ATXN10: variants seen among roughly 807,000 people sequenced by gnomAD.
ATXN10 encodes the protein ataxin-10.
Under a neutral mutation model 52.9 loss-of-function variants are expected in ATXN10, and 28 were observed. That is an observed-to-expected ratio of 0.53 (90% CI 0.39 to 0.73). The LOEUF is 0.73. Among genes scored for constraint, ATXN10 ranks in the 30% least tolerant of loss-of-function variants. ATXN10 has a pLI of 0.00. For synonymous variants in ATXN10, 226 were observed against 221.5 expected (o/e 1.02, Z -0.18); for missense variants, 565 against 577.0 (o/e 0.98, Z 0.21).
chr22:45,697,093 A>G (rs1923637743), intron 3 of ATXN10, among the ~76,000 whole-genome samples: 2 of 152,194 alleles, frequency 1.3e-5, no homozygotes, highest in South Asian at 2.1e-4. Context: ...GGCATTTAGT[A>G]CATCCACAGT....
intron 1 of ATXN10, 136 bp from the exon 2 acceptor site, chr22:45,689,576 G>GCC: frequency 1.5e-6 from 1 of 669,840 alleles, no homozygotes; most frequent in African/African-American, 1.9e-5. Context: ...TTTATTTGGT[G>GCC]TTGTAAATTA....
chr22:45,836,082 G>A (rs2146914957), intron 10 of ATXN10, among the ~76,000 whole-genome samples: 1 of 152,336 alleles, frequency 6.6e-6, no homozygotes, highest in East Asian at 1.9e-4. Flanking sequence ...AGGGAAGGAA[G>A]AGGGAGCCAA....
chr22:45,729,811 T>C (rs1259968000), intron 7 of ATXN10: 13 of 593,800 alleles, frequency 2.2e-5, no homozygotes, highest in Non-Finnish European at 4.0e-5. Flanking sequence ...GTTAATTTTC[T>C]AGACAGATGA....
intron 4 of ATXN10, 67 bp from the exon 5 acceptor site, chr22:45,702,622 T>C: frequency 6.8e-7 from 1 of 1,463,616 alleles, no homozygotes; most frequent in Non-Finnish European, 9.6e-7. Flanking sequence ...ACAATGGTAT[T>C]ACTGTTATTT....
intron 9 of ATXN10, among the ~76,000 whole-genome samples, chr22:45,751,647 A>G (rs986199977): frequency 1.3e-5 from 2 of 151,530 alleles, no homozygotes; most frequent in Admixed American, 1.3e-4. Context: ...CTGACTGTGA[A>G]ATGTCTATAT....
intron 1 of ATXN10, among the ~76,000 whole-genome samples, chr22:45,686,096 G>A (rs16994431): frequency 0.084 from 12,778 of 152,236 alleles, 671 homozygotes; most frequent in Middle Eastern, 0.15. Context: ...TAATGGGAAA[G>A]GGAGGGTTGA....
At chr22:45,729,657 C>A (rs751303669) in intron 7 of ATXN10, 67 bp downstream of exon 7, 7 of 1,527,094 alleles carry the variant, frequency 4.6e-6, no homozygotes, top group Non-Finnish European at 6.3e-6. Flanking sequence ...TCAGCCAAGT[C>A]CTGTATGAGA....
intron 9 of ATXN10, among the ~76,000 whole-genome samples, chr22:45,743,719 G>A (rs1448997194): frequency 6.6e-6 from 1 of 152,176 alleles, no homozygotes; most frequent in Non-Finnish European, 1.5e-5. Context: ...TTATTGTTTA[G>A]TGTTTACTAT....
At chr22:45,711,588 A>G (rs897692416) in intron 5 of ATXN10, among the ~76,000 whole-genome samples, 6 of 152,222 alleles carry the variant, frequency 3.9e-5, no homozygotes, top group Non-Finnish European at 5.9e-5. Context: ...GTCACATACT[A>G]TAGTTTTACA....
chr22:45,788,583 T>C (rs937097259), intron 9 of ATXN10, among the ~76,000 whole-genome samples: 1 of 151,812 alleles, frequency 6.6e-6, no homozygotes, highest in Non-Finnish European at 1.5e-5. Flanking sequence ...CTCACACAAA[T>C]CTAAAATTTT....
intron 5 of ATXN10, among the ~76,000 whole-genome samples, chr22:45,714,225 T>A (rs1413741722): frequency 6.6e-6 from 1 of 152,132 alleles, no homozygotes; most frequent in Non-Finnish European, 1.5e-5. Flanking sequence ...AACCTTTTTT[T>A]TCTTTTATGT....
Position 45,823,047 on chromosome 22 carries a change from A to G in ATXN10, c.1237+16025A>G, listed in dbSNP as rs1467275968. On this transcript the variant is annotated intron_variant, in intron 10 of 11. Coordinates refer to ENST00000252934, the MANE Select transcript of ATXN10 (RefSeq NM_013236.4). This position sits in a 1 kb window ranked among gnomAD's most constrained non-coding sequence, Gnocchi z 4.9. ...CTTACTTTCCTCATGGTGTCTTATT[A>G]TTTCATTGAGGTATAACTTAAATAG... The G allele has an allele frequency of 5.3e-6, 2 of 376,192 alleles. No homozygotes were observed. The highest frequency in any genetic ancestry group is 6.7e-5 in the Admixed American group (2 of 29,872). The allele number at this position is 376,192 out of a possible 1,614,324, so 23.3% of individuals were successfully genotyped here. A position where few individuals can be genotyped will look rare whatever the true frequency, so the allele number is the denominator to read the frequency against.
rs1925175188 is a variant in ATXN10, at chr22:45,733,693, T to A, written c.894+4103T>A. ...ATCACGTGAACCCGGGAGGCGGAGGTTGCTGTGAACTGAGATTGTGCCATT... is the reference window on the plus strand; with the variant it reads ...ATCACGTGAACCCGGGAGGCGGAGGATGCTGTGAACTGAGATTGTGCCATT... On this transcript the variant is annotated intron_variant, in intron 7 of 11. Coordinates refer to ENST00000252934, the MANE Select transcript of ATXN10 (RefSeq NM_013236.4). The surrounding 1 kb of genome is among the most constrained non-coding windows in gnomAD (Gnocchi z 4.4). 6.6e-6 allele frequency among the ~76,000 whole-genome samples: 1 copy of A among 151,918 alleles called. No homozygotes were observed.
At chr22:45,813,826 T>A (rs1928368356) in intron 10 of ATXN10, among the ~76,000 whole-genome samples, 1 of 152,208 alleles carries the variant, frequency 6.6e-6, no homozygotes, top group African/African-American at 2.4e-5. Flanking sequence ...TTCATTCCTA[T>A]AAGAAAGGTA....
intron 9 of ATXN10, among the ~76,000 whole-genome samples, chr22:45,753,286 A>G (rs1926052801): frequency 6.9e-6 from 1 of 144,568 alleles, no homozygotes; most frequent in Non-Finnish European, 1.5e-5. Context: ...CAGAAGTCCC[A>G]TAGGTCCTGG....
chr22:45,740,421 T>C lies in ATXN10; in HGVS notation c.1056T>C (p.Ser352=). ...VAGKETTNIF[S]NCGCVRAEGD... Reference sequence around the variant, plus strand: ...GAAAAGAAACCACAAACATCTTCAGTAATTGTGGTTGCGTGAGAGCAGAAG... The same window carrying C: ...GAAAAGAAACCACAAACATCTTCAGCAATTGTGGTTGCGTGAGAGCAGAAG... The change falls in exon 9 of 12, where the codon AGT becomes AGC. Residue 352 remains serine (S), a synonymous_variant. Coordinates refer to ENST00000252934, the MANE Select transcript of ATXN10 (RefSeq NM_013236.4). 6.2e-7 allele frequency: 1 copy of C among 1,613,912 alleles called. No homozygotes were observed. The highest frequency in any genetic ancestry group is 8.5e-7 in the Non-Finnish European group (1 of 1,179,904).
At chr22:45,807,617 G>A (rs1346072477) in intron 10 of ATXN10, among the ~76,000 whole-genome samples, 1 of 152,206 alleles carries the variant, frequency 6.6e-6, no homozygotes, top group Non-Finnish European at 1.5e-5. Context: ...GTGTTCTGCA[G>A]GGACCCTGCT....
intron 2 of ATXN10, among the ~76,000 whole-genome samples, chr22:45,691,949 G>T (rs978343415): frequency 2.0e-5 from 3 of 152,178 alleles, no homozygotes; most frequent in Admixed American, 2.0e-4. Flanking sequence ...TGGTCTTGTT[G>T]TGGATGACTG....
intron 6 of ATXN10, among the ~76,000 whole-genome samples, chr22:45,722,433 C>T (rs2238827): frequency 0.15 from 22,289 of 152,152 alleles, 2,058 homozygotes; most frequent in East Asian, 0.22. Context: ...GAAGGATAGT[C>T]TATTCTGAGG....
Sources: gnomAD v4.1 joint callset for allele counts (sites outside exome capture counted in the v4.1 genomes callset) on GRCh38, gnomAD v4.1.1 for gene constraint, Gnocchi (gnomAD v3.1) non-coding constraint, MANE v1.5 for transcripts, NCBI Gene and HGNC (gene_info 2026-07-23, HGNC 2026-07-21) for gene names.